Variants in DIP2A observed in about 807,000 individuals in gnomAD.
DIP2A encodes the protein DIP2 acetate--CoA ligase A.
A neutral mutation model predicts 177.4 loss-of-function variants in DIP2A; 85 were observed. The ratio of observed to expected loss-of-function variants is 0.48; its 90% CI spans 0.40 to 0.57. DIP2A has a LOEUF of 0.57. Among genes scored for constraint, DIP2A ranks in the 20% least tolerant of loss-of-function variants. DIP2A has a pLI of 0.00. For synonymous variants in DIP2A, 886 were observed against 881.8 expected, an observed-to-expected ratio of 1.00 and a Z score of -0.08; for missense variants, 1,791 against 2,100.2, an observed-to-expected ratio of 0.85 and a Z score of 2.88.
intron 6 of DIP2A, among the ~76,000 whole-genome samples, chr21:46,508,933 C>T (rs962206548): frequency 6.6e-6 from 1 of 152,020 alleles, no homozygotes; most frequent in Middle Eastern, 3.4e-3. Context: ...GCAAGAGAAT[C>T]GCTTGAACCC....
chr21:46,561,651 C>A, intron 33 of DIP2A, 97 bp from the exon 34 acceptor site: 1 of 1,448,716 alleles, frequency 6.9e-7, no homozygotes, highest in Non-Finnish European at 9.7e-7. Context: ...TGTCAACAGA[C>A]CCTCAGAGTG....
intron 1 of DIP2A, among the ~76,000 whole-genome samples, chr21:46,470,870 A>T (rs538053651): frequency 1.5e-4 from 23 of 150,046 alleles, no homozygotes; most frequent in African/African-American, 5.4e-4. Context: ...CGGAGGTTGC[A>T]GTGAGCCAAG....
Position 46,511,527 on chromosome 21 carries a change from T to C in DIP2A, c.1015T>C (p.Leu339=), listed in dbSNP as rs1413074804. The C allele has an allele frequency of 6.2e-7, 1 of 1,611,936 alleles. No homozygotes were observed. Among genetic ancestry groups the C allele is most frequent in the Admixed American group, 1.7e-5 (1 of 59,562 alleles). ...VPRPPSLLAT[L]QRWGTTQPKS... is the part of the protein sequence containing the mutation. ...CCGACCGCCGTCGCTGTTGGCCACC[T>C]TGCAGCGCTGGGGCACAACACAGCC... The change falls in exon 8 of 38, where the codon TTG becomes CTG. Residue 339 remains leucine, a synonymous_variant. Transcript: ENST00000417564.
chr21:46,527,525 C>G lies in DIP2A; in HGVS notation c.1103-1567C>G, dbSNP rs145115022. The stretch of plus-strand genomic sequence containing the variant: ...ATTTTTAGTAGAGACAGGGTTTCAC[C>G]GTGTTGACCAGTCTGGTCTCGAACT... On this transcript the variant is annotated intron_variant, in intron 8 of 37. Coordinates refer to ENST00000417564, the MANE Select transcript of DIP2A (RefSeq NM_015151.4). Among the ~76,000 whole-genome samples, 12 of 152,020 alleles carry G rather than the reference C, an allele frequency of 7.9e-5. No homozygotes were observed. In the East Asian group the frequency reaches 2.3e-3, roughly 29 times the overall value.
chr21:46,571,825 T>C (rs2060970806), downstream of DIP2A, among the ~76,000 whole-genome samples: 1 of 152,246 alleles, frequency 6.6e-6, no homozygotes, highest in African/African-American at 2.4e-5. Flanking sequence ...TTTCTAAATA[T>C]ACAATCATGT....
In DIP2A at chr21:46,554,297, G is replaced by A; in HGVS notation, c.3154+5G>A. On this transcript the variant is annotated splice_donor_5th_base_variant and intron_variant, in intron 26 of 37. Coordinates refer to ENST00000417564, the MANE Select transcript of DIP2A (RefSeq NM_015151.4). ...TGGCTCTGGTCTACCCACCAGGTGG[G>A]CTCACTGTGGGGCTGTCCACCTGCA... The A allele has an allele frequency of 6.2e-7, 1 of 1,613,644 alleles. No individual in the cohort carries two copies. The highest frequency in any genetic ancestry group is 1.7e-5 in the Admixed American group (1 of 59,994).
chr21:46,561,514 A>C, intron 33 of DIP2A: 1 of 616,884 alleles, frequency 1.6e-6, no homozygotes, highest in Non-Finnish European at 3.0e-6. Context: ...ATGTAGAGTG[A>C]GCTGCTGTGA....
At chr21:46,461,277 A>AAAAAAAAAAC (rs2054285946) in intron 1 of DIP2A, among the ~76,000 whole-genome samples, 1 of 146,974 alleles carries the variant, frequency 6.8e-6, no homozygotes, top group Non-Finnish European at 1.5e-5. Context: ...TCACCAAAAA[A>AAAAAAAAAAC]AAAAAAAAAA....
chr21:46,480,401 A>G (rs1262645249), intron 1 of DIP2A, among the ~76,000 whole-genome samples: 2 of 152,216 alleles, frequency 1.3e-5, no homozygotes, highest in Non-Finnish European at 2.9e-5. Context: ...GGTCCCTCCC[A>G]TGACACGTGG....
chr21:46,516,613 C>T (rs181599212), intron 8 of DIP2A, among the ~76,000 whole-genome samples: 12 of 150,362 alleles, frequency 8.0e-5, no homozygotes, highest in South Asian at 2.1e-4. Context: ...CTGCCTCAGC[C>T]TCCTGAATAG....
intron 1 of DIP2A, among the ~76,000 whole-genome samples, chr21:46,481,609 G>A (rs908852917): frequency 6.6e-6 from 1 of 152,152 alleles, no homozygotes; most frequent in African/African-American, 2.4e-5. Context: ...CACAGTCTTT[G>A]TCAGCACTTG....
Position 46,533,617 on chromosome 21 carries a change from G to A in DIP2A, c.1399G>A (p.Ala467Thr). The A allele has an allele frequency of 6.2e-7, 1 of 1,614,056 alleles. No homozygotes were observed. Among genetic ancestry groups the A allele is most frequent in the Non-Finnish European group, 8.5e-7 (1 of 1,179,902 alleles). The part of the protein sequence containing the change: ...TDACQKGLPK[A>T]QTGEVAAFKG... ...CGCTTGTCAGAAAGGCCTCCCCAAG[G>A]CACAGACAGGAGAGGTGGCAGCTTT... The change falls in exon 11 of 38, where the codon GCA becomes ACA. Residue 467 changes from alanine to threonine, a missense_variant. By Grantham distance (58) the Ala-to-Thr change is moderately conservative (BLOSUM62 0). Transcript: ENST00000417564.
At position 46,554,683 on chromosome 21, in the gene DIP2A, A is replaced by C; in HGVS notation, c.3263A>C (p.Lys1088Thr). The C allele has an allele frequency of 6.4e-7, 1 of 1,571,458 alleles. No individual in the cohort carries two copies. Among genetic ancestry groups the C allele is most frequent in the Non-Finnish European group, 8.6e-7 (1 of 1,159,248 alleles). Residue 1088 changes from lysine to threonine, a missense_variant, in exon 27 of 38, where the codon AAG (lysine) becomes ACG (threonine). By Grantham distance (78) the Lys-to-Thr change is moderately conservative. Coordinates refer to ENST00000417564, the MANE Select transcript of DIP2A (RefSeq NM_015151.4). ...CTCGGCACCACACTGCCCACCGTCA[A>C]GATGATCGTGGAGGTGCGCCTACCT... ...QNLGTTLPTV[K>T]MIVEVSKSAC...
At chr21:46,566,769 C>G in intron 37 of DIP2A, 86 bp downstream of exon 37, 1 of 1,559,056 alleles carries the variant, frequency 6.4e-7, no homozygotes, top group East Asian at 2.3e-5. Context: ...TGGAGCAGAG[C>G]AAGGACTGCT....
intron 5 of DIP2A, among the ~76,000 whole-genome samples, chr21:46,499,920 T>G (rs1204183451): frequency 6.6e-6 from 1 of 152,202 alleles, no homozygotes; most frequent in Non-Finnish European, 1.5e-5. Context: ...TCCTATTCAT[T>G]TTCTTTGCTT....
At chr21:46,519,558 G>A (rs1241022810) in intron 8 of DIP2A, among the ~76,000 whole-genome samples, 1 of 152,112 alleles carries the variant, frequency 6.6e-6, no homozygotes, top group African/African-American at 2.4e-5. Context: ...TTATATTTGA[G>A]AAAGAAAGGA....
rs376685914 is a variant in DIP2A, at chr21:46,538,615, G to A, written c.1921+13G>A. On this transcript the variant is annotated intron_variant, in intron 16 of 37. Transcript: ENST00000417564. ...GGTGCCAACCCGTGTGAGTGAGCCT[G>A]TGTGCCCGGCGCATACCCCACACAG... The A allele has an allele frequency of 5.8e-6, 9 of 1,547,342 alleles. No homozygotes were observed. The African/African-American group carries it at 1.2e-4, about 21-fold the overall frequency.
intron 7 of DIP2A, among the ~76,000 whole-genome samples, chr21:46,509,728 C>G (rs2058211127): frequency 6.6e-6 from 1 of 152,114 alleles, no homozygotes; most frequent in South Asian, 2.1e-4. Context: ...GGCTGCTTTT[C>G]AGAATTTTAG....
intron 2 of DIP2A, among the ~76,000 whole-genome samples, chr21:46,486,903 A>G (rs929881827): frequency 6.6e-6 from 1 of 152,244 alleles, no homozygotes; most frequent in African/African-American, 2.4e-5. Flanking sequence ...AAAGACCTAC[A>G]TGCATCAGCA....
Sources: allele counts gnomAD v4.1 joint callset (sites outside exome capture counted in the v4.1 genomes callset), GRCh38; gene constraint gnomAD v4.1.1; transcripts MANE v1.5; gene names NCBI Gene and HGNC (gene_info 2026-07-23, HGNC 2026-07-21).